SLC25A21: variants seen among roughly 807,000 people sequenced by gnomAD.
The protein encoded by SLC25A21 is solute carrier family 25 member 21.
SLC25A21 carries 47 observed loss-of-function variants against 43.8 expected under a neutral mutation model. The ratio of observed to expected loss-of-function variants is 1.07; its 90% CI spans 0.85 to 1.37. The LOEUF (loss-of-function observed/expected upper bound fraction) is 1.37, where lower values mean the gene tolerates loss of function less well. Ranked by LOEUF, SLC25A21 falls within the 40% of genes most tolerant of loss-of-function variation. The pLI, the probability that SLC25A21 is intolerant of heterozygous loss-of-function variation, is 0.00. For missense variants in SLC25A21, 352 were observed against 350.2 expected, an observed-to-expected ratio of 1.00 and a Z score of -0.04; for synonymous variants, 131 against 121.3, an observed-to-expected ratio of 1.08 and a Z score of -0.52.
At chr14:36,902,205 G>A (rs1891414656) in intron 1 of SLC25A21, among the ~76,000 whole-genome samples, 1 of 152,154 alleles carries the variant, frequency 6.6e-6, no homozygotes, top group Admixed American at 6.5e-5. Flanking sequence ...CCAAATGTGT[G>A]GAAATACTGG....
chr14:37,014,984 T>C (rs1960814660), intron 1 of SLC25A21, among the ~76,000 whole-genome samples: 1 of 152,156 alleles, frequency 6.6e-6, no homozygotes, highest in Admixed American at 6.6e-5. Context: ...ACAGATGTAC[T>C]GTCATCCAGG....
chr14:36,760,389 A>AAGGAAGGG (rs1217482128), intron 3 of SLC25A21, among the ~76,000 whole-genome samples: 28 of 146,672 alleles, frequency 1.9e-4, no homozygotes, highest in Admixed American at 2.1e-4. Context: ...GGAAGGAAGG[A>AAGGAAGGG]AGGCAGGCCT....
intron 2 of SLC25A21, among the ~76,000 whole-genome samples, chr14:36,854,337 G>A (rs1594642512): frequency 1.3e-5 from 2 of 152,216 alleles, no homozygotes; most frequent in East Asian, 3.8e-4. Context: ...AATAGTTATA[G>A]TCGAGTTGGG....
At chr14:37,141,273 A>C (rs1354052062) in intron 1 of SLC25A21, among the ~76,000 whole-genome samples, 1 of 152,202 alleles carries the variant, frequency 6.6e-6, no homozygotes, top group Non-Finnish European at 1.5e-5. Context: ...TAGCCTTCCC[A>C]GTCCAAAAGC....
chr14:36,850,512 A>G (rs1889692656), intron 2 of SLC25A21, among the ~76,000 whole-genome samples: 1 of 152,146 alleles, frequency 6.6e-6, no homozygotes, highest in Non-Finnish European at 1.5e-5. Flanking sequence ...ATGGTCTCTT[A>G]GAAAAAAGGC....
intron 3 of SLC25A21, among the ~76,000 whole-genome samples, chr14:36,779,472 T>TATAC (rs1491185076): frequency 2.1e-5 from 3 of 141,258 alleles, no homozygotes; most frequent in African/African-American, 7.6e-5. Flanking sequence ...TATATATATA[T>TATAC]ACACATATAT....
intron 1 of SLC25A21, among the ~76,000 whole-genome samples, chr14:36,906,410 G>A (rs1891534837): frequency 6.6e-6 from 1 of 152,066 alleles, no homozygotes; most frequent in Non-Finnish European, 1.5e-5. Context: ...AAGCAGCAAA[G>A]TAGCACAGTG....
At chr14:36,871,305 G>A (rs192996453) in intron 2 of SLC25A21, among the ~76,000 whole-genome samples, 25 of 152,254 alleles carry the variant, frequency 1.6e-4, no homozygotes, top group African/African-American at 6.0e-4. Context: ...CACCCTTTAT[G>A]AACCAGGAAA....
At position 37,124,492 on chromosome 14, in the gene SLC25A21, A is replaced by G. The variant is rs193026236; in HGVS notation, c.70+47789T>C. Among the ~76,000 whole-genome samples, 60 of 152,178 alleles carry G rather than the reference A, an allele frequency of 3.9e-4. 1 individual carries two copies. The highest frequency in any genetic ancestry group is 1.8e-3 in the Admixed American group (27 of 15,294). On this transcript the variant is annotated intron_variant, in intron 1 of 9. Transcript: ENST00000331299. ...ACAGCACCAACTAGATTTTCCCAAT[A>G]TATTATTGTTACCTATAGCAAAGAT...
At chr14:37,152,693 A>G (rs1963779931) in intron 1 of SLC25A21, among the ~76,000 whole-genome samples, 1 of 152,204 alleles carries the variant, frequency 6.6e-6, no homozygotes, top group South Asian at 2.1e-4. Context: ...GAATGTGTAA[A>G]ACACAAGAAG....
intron 3 of SLC25A21, among the ~76,000 whole-genome samples, chr14:36,796,255 T>C (rs1230301502): frequency 6.6e-6 from 1 of 152,096 alleles, no homozygotes; most frequent in African/African-American, 2.4e-5. Flanking sequence ...ATCACCACCA[T>C]GAACATGATG....
chr14:37,107,618 C>T (rs1337821738), intron 1 of SLC25A21, among the ~76,000 whole-genome samples: 2 of 152,142 alleles, frequency 1.3e-5, no homozygotes, highest in African/African-American at 4.8e-5. Flanking sequence ...AAGCATTTTA[C>T]TCATTCAATC....
intron 1 of SLC25A21, among the ~76,000 whole-genome samples, chr14:37,141,658 T>A (rs1161062150): frequency 6.6e-6 from 1 of 152,226 alleles, no homozygotes; most frequent in Non-Finnish European, 1.5e-5. Context: ...TAAATGTTAG[T>A]AGCAAGTTGC....
intron 1 of SLC25A21, among the ~76,000 whole-genome samples, chr14:36,887,289 C>T (rs976049226): frequency 2.6e-5 from 4 of 151,748 alleles, no homozygotes; most frequent in African/African-American, 7.3e-5. Context: ...AAAGGCCAGG[C>T]GCGGTGGCTC....
chr14:36,684,210 A>C (rs945435070), intron 8 of SLC25A21, among the ~76,000 whole-genome samples: 2 of 152,226 alleles, frequency 1.3e-5, no homozygotes, highest in African/African-American at 4.8e-5. Flanking sequence ...TTAAAAGACC[A>C]CAAACTCAGT....
At chr14:36,861,979 C>T (rs184695610) in intron 2 of SLC25A21, among the ~76,000 whole-genome samples, 126 of 152,248 alleles carry the variant, frequency 8.3e-4, no homozygotes, top group African/African-American at 2.6e-3. Flanking sequence ...CAAAAGAAGA[C>T]ATTTATGTGG....
intron 1 of SLC25A21, among the ~76,000 whole-genome samples, chr14:36,966,351 C>T (rs190255710): frequency 2.4e-4 from 36 of 152,240 alleles, no homozygotes; most frequent in African/African-American, 8.4e-4. Context: ...AGAGAAAGGA[C>T]CTCCATGCAA....
At chr14:36,959,053 G>A (rs566476329) in intron 1 of SLC25A21, among the ~76,000 whole-genome samples, 1 of 152,302 alleles carries the variant, frequency 6.6e-6, no homozygotes, top group East Asian at 1.9e-4. Flanking sequence ...GCTTCTCGTG[G>A]TTGCCTTCAC....
intron 2 of SLC25A21, among the ~76,000 whole-genome samples, chr14:36,824,086 C>T (rs753368330): frequency 4.2e-4 from 64 of 152,252 alleles, no homozygotes; most frequent in African/African-American, 1.2e-3. Context: ...GAGAATATGG[C>T]GTCTCTGGAG....
Sources: gnomAD v4.1 joint callset for allele counts (sites outside exome capture counted in the v4.1 genomes callset) on GRCh38, gnomAD v4.1.1 for gene constraint, MANE v1.5 for transcripts, NCBI Gene and HGNC (gene_info 2026-07-23, HGNC 2026-07-21) for gene names.